The following SPAG16 variants were observed in gnomAD, a reference collection of about 807,000 sequenced individuals.
SPAG16 encodes the protein sperm associated antigen 16.
Under a neutral mutation model 80.4 loss-of-function variants are expected in SPAG16, and 86 were observed. The ratio of observed to expected loss-of-function variants is 1.07; its 90% CI spans 0.90 to 1.28. The LOEUF (loss-of-function observed/expected upper bound fraction) is 1.28, where lower values mean the gene tolerates loss of function less well. Among genes scored for constraint, SPAG16 ranks in the 50% most tolerant of loss-of-function variants. The pLI, the probability that SPAG16 is intolerant of heterozygous loss-of-function variation, is 0.00. For synonymous variants in SPAG16, 294 were observed against 265.9 expected (o/e 1.11, Z -1.03); for missense variants, 870 against 765.3 (o/e 1.14, Z -1.61).
intron 10 of SPAG16, among the ~76,000 whole-genome samples, chr2:213,796,164 T>C (rs1245716419): frequency 1.3e-5 from 2 of 152,184 alleles, no homozygotes; most frequent in Admixed American, 1.3e-4. Context: ...TTTATTTATA[T>C]ATTATAGTAA....
intron 10 of SPAG16, among the ~76,000 whole-genome samples, chr2:213,749,723 T>C (rs1377433571): frequency 1.3e-5 from 2 of 152,238 alleles, no homozygotes; most frequent in African/African-American, 4.8e-5. Flanking sequence ...TACCTAGATA[T>C]TCTTTTTATA....
chr2:213,323,440 C>CA (rs56037152), intron 5 of SPAG16, among the ~76,000 whole-genome samples: 24 of 150,902 alleles, frequency 1.6e-4, no homozygotes, highest in African/African-American at 5.4e-4. Flanking sequence ...GACTCCGTCT[C>CA]AAAAAAAAAA....
At chr2:213,360,258 T>C (rs2065901711) in intron 7 of SPAG16, among the ~76,000 whole-genome samples, 1 of 152,210 alleles carries the variant, frequency 6.6e-6, no homozygotes, top group Non-Finnish European at 1.5e-5. Flanking sequence ...AATTCTACAT[T>C]GTTCCTTATA....
chr2:214,232,866 A>T (rs925772623), intron 15 of SPAG16, among the ~76,000 whole-genome samples: 3 of 152,036 alleles, frequency 2.0e-5, no homozygotes, highest in African/African-American at 7.2e-5. Flanking sequence ...CAGGGGCATT[A>T]GTTAAGAGGA....
chr2:213,362,888 C>T (rs1163942874), intron 7 of SPAG16, among the ~76,000 whole-genome samples: 1 of 152,058 alleles, frequency 6.6e-6, no homozygotes, highest in Admixed American at 6.6e-5. Flanking sequence ...CCTCCATGAC[C>T]CAAACACTTC....
intron 8 of SPAG16, among the ~76,000 whole-genome samples, chr2:213,369,039 A>C (rs2066487192): frequency 2.0e-5 from 3 of 152,204 alleles, no homozygotes; most frequent in Non-Finnish European, 4.4e-5. Context: ...TTCTCATAGG[A>C]AATACTGGAG....
At chr2:214,056,153 T>C (rs1354763698) in intron 13 of SPAG16, among the ~76,000 whole-genome samples, 1 of 152,108 alleles carries the variant, frequency 6.6e-6, no homozygotes, top group East Asian at 1.9e-4. Context: ...GTAATTTGTC[T>C]TCTAATAACT....
At chr2:214,358,667 C>A (rs1698976579) in intron 15 of SPAG16, among the ~76,000 whole-genome samples, 1 of 151,830 alleles carries the variant, frequency 6.6e-6, no homozygotes, top group African/African-American at 2.4e-5. Flanking sequence ...AGGAGCTCTG[C>A]TTGTTGCAGT....
At chr2:213,630,767 C>G (rs1281091088) in intron 10 of SPAG16, among the ~76,000 whole-genome samples, 2 of 152,104 alleles carry the variant, frequency 1.3e-5, no homozygotes, top group Non-Finnish European at 2.9e-5. Context: ...TTGTTTCTGA[C>G]TAGTACCTGG....
At chr2:213,929,000 CTTTTTTTTTTTTTTTT>C (rs59993057) in intron 11 of SPAG16, among the ~76,000 whole-genome samples, 5 of 40,834 alleles carry the variant, frequency 1.2e-4, no homozygotes, top group Admixed American at 4.6e-4. Context: ...CTTTTCTTTT[CTTTTTTTTTTTTTTTT>C]TTTTTTTTTT....
chr2:213,875,462 T>C (rs1271514045), intron 11 of SPAG16, among the ~76,000 whole-genome samples: 3 of 152,114 alleles, frequency 2.0e-5, no homozygotes, highest in African/African-American at 7.2e-5. Context: ...GACTATCAAA[T>C]GAATGTGTCT....
intron 15 of SPAG16, among the ~76,000 whole-genome samples, chr2:214,177,969 A>T (rs1158286237): frequency 1.3e-5 from 1 of 75,202 alleles, no homozygotes; most frequent in Non-Finnish European, 2.2e-5. Flanking sequence ...CACAAAGTGT[A>T]TGTATATATA....
At chr2:214,033,178 C>T (rs2048509267) in intron 13 of SPAG16, among the ~76,000 whole-genome samples, 1 of 152,158 alleles carries the variant, frequency 6.6e-6, no homozygotes. Context: ...ACAACTGCAG[C>T]AAATGCATGA....
Position 213,862,377 on chromosome 2 carries a change from C to A in SPAG16, c.1071-108C>A, listed in dbSNP as rs1200030333. The A allele has an allele frequency of 2.8e-6, 4 of 1,418,776 alleles. No homozygotes were observed. In the East Asian group the frequency reaches 9.3e-5, roughly 33 times the overall value. The allele number at this position is 1,418,776 out of a possible 1,614,324, so 87.9% of individuals were successfully genotyped here. A position where few individuals can be genotyped will look rare whatever the true frequency, so the allele number is the denominator to read the frequency against. On this transcript the variant is annotated intron_variant, in intron 10 of 15. Coordinates refer to ENST00000331683, the MANE Select transcript of SPAG16 (RefSeq NM_024532.5). ...TATTTTGGGGCCAGTACTCTCAAAA[C>A]TATCCTGCCTTGCTAAAATCGGATA...
chr2:213,777,323 T>C (rs1575109309), intron 10 of SPAG16, among the ~76,000 whole-genome samples: 1 of 144,882 alleles, frequency 6.9e-6, no homozygotes, highest in East Asian at 2.2e-4. Flanking sequence ...CTCGGCTTAC[T>C]GCAACCTCCA....
chr2:213,429,416 C>T (rs2125473965), intron 9 of SPAG16, among the ~76,000 whole-genome samples: 1 of 152,234 alleles, frequency 6.6e-6, no homozygotes, highest in South Asian at 2.1e-4. Context: ...TGCTCCCTGG[C>T]CTAGCTAATT....
intron 10 of SPAG16, among the ~76,000 whole-genome samples, chr2:213,758,686 G>A (rs1268154619): frequency 6.6e-6 from 1 of 152,100 alleles, no homozygotes; most frequent in Admixed American, 6.5e-5. Context: ...AGAGTCTAAG[G>A]GACCTGTGTG....
chr2:213,299,657 T>A (rs2062645117), intron 3 of SPAG16, among the ~76,000 whole-genome samples: 1 of 152,166 alleles, frequency 6.6e-6, no homozygotes, highest in South Asian at 2.1e-4. Context: ...CTTTATAAAT[T>A]TTAAATTGTG....
intron 10 of SPAG16, among the ~76,000 whole-genome samples, chr2:213,763,409 A>G (rs371448573): frequency 6.6e-6 from 1 of 152,190 alleles, no homozygotes; most frequent in African/African-American, 2.4e-5. Context: ...GCATTATGTT[A>G]AGTGAAATAA....
Sources: gnomAD v4.1 joint callset for allele counts (sites outside exome capture counted in the v4.1 genomes callset) on GRCh38, gnomAD v4.1.1 for gene constraint, MANE v1.5 for transcripts, NCBI Gene and HGNC (gene_info 2026-07-23, HGNC 2026-07-21) for gene names.